The following ROBO2 variants were observed in gnomAD, a reference collection of about 807,000 sequenced individuals.
The protein encoded by ROBO2 is roundabout homolog 2.
Under a neutral mutation model 160.8 loss-of-function variants are expected in ROBO2, and 53 were observed. That is an observed-to-expected ratio of 0.33 (90% confidence interval 0.26 to 0.41). ROBO2 has a LOEUF of 0.41. ROBO2 is among the 10% of genes least tolerant of loss of function. The pLI is 1.00. For synonymous variants in ROBO2, 664 were observed against 611.7 expected, an observed-to-expected ratio of 1.09 and a Z score of -1.26; for missense variants, 1,577 against 1,722.4, an observed-to-expected ratio of 0.92 and a Z score of 1.49.
chr3:77,208,416 T>TG (rs1435497898), intron 2 of ROBO2, among the ~76,000 whole-genome samples: 1 of 152,116 alleles, frequency 6.6e-6, no homozygotes, highest in South Asian at 2.1e-4. Flanking sequence ...TTAAAGGACA[T>TG]GGGGATTGAG....
At chr3:77,160,054 A>C (rs1407122682) in intron 2 of ROBO2, among the ~76,000 whole-genome samples, 1 of 152,256 alleles carries the variant, frequency 6.6e-6, no homozygotes, top group South Asian at 2.1e-4. Flanking sequence ...GAAAAAATAT[A>C]TAGATTCACC....
At chr3:76,293,575 C>T (rs1708915585) in intron 2 of ROBO2, among the ~76,000 whole-genome samples, 1 of 152,132 alleles carries the variant, frequency 6.6e-6, no homozygotes, top group African/African-American at 2.4e-5. Context: ...TATAATCAGA[C>T]AGGGAGTAGA....
At chr3:77,338,651 A>G (rs2066744263) in intron 2 of ROBO2, among the ~76,000 whole-genome samples, 2 of 152,144 alleles carry the variant, frequency 1.3e-5, no homozygotes, top group Admixed American at 1.3e-4. Flanking sequence ...TAAAATATTG[A>G]CGTGAACATA....
At chr3:77,503,117 T>A (rs917161757) in intron 5 of ROBO2, among the ~76,000 whole-genome samples, 13 of 152,076 alleles carry the variant, frequency 8.5e-5, no homozygotes, top group African/African-American at 3.1e-4. Flanking sequence ...AGGGGATGGA[T>A]AGATACCCCA....
intron 2 of ROBO2, among the ~76,000 whole-genome samples, chr3:76,932,207 A>T (rs1441247016): frequency 6.6e-6 from 1 of 152,182 alleles, no homozygotes; most frequent in East Asian, 1.9e-4. Flanking sequence ...ATGAAAAAGA[A>T]TATGAAATTT....
At chr3:76,590,953 C>T (rs574719740) in intron 2 of ROBO2, among the ~76,000 whole-genome samples, 2 of 152,056 alleles carry the variant, frequency 1.3e-5, no homozygotes, top group Admixed American at 1.3e-4. Context: ...TGATGATAAA[C>T]GATATGTTAC....
In ROBO2 at chr3:76,059,570, G is replaced by A. The variant is rs200985636; in HGVS notation, c.109+121968G>A. Among the ~76,000 whole-genome samples the A allele has an allele frequency of 7.4e-3, 1,124 of 152,118 alleles. 65 individuals carry two copies. In the East Asian group the frequency reaches 0.15, roughly 21 times the overall value. Reference sequence around the variant, plus strand: ...TATTAGCCCTTTGTCAGATGAGTAGGTAGCAAAAATTTTCTCCCATTCTGT... The same window carrying A: ...TATTAGCCCTTTGTCAGATGAGTAGATAGCAAAAATTTTCTCCCATTCTGT... On this transcript the variant is annotated intron_variant, in intron 2 of 26. Coordinates refer to the ROBO2 transcript ENST00000487694.
intron 2 of ROBO2, among the ~76,000 whole-genome samples, chr3:77,260,438 G>A (rs939881049): frequency 4.6e-5 from 7 of 152,086 alleles, no homozygotes; most frequent in African/African-American, 7.2e-5. Flanking sequence ...AATGAGTTGA[G>A]TTATTTGAAG....
chr3:76,127,939 A>G (rs1576971153), intron 2 of ROBO2, among the ~76,000 whole-genome samples: 1 of 118,860 alleles, frequency 8.4e-6, no homozygotes, highest in African/African-American at 3.2e-5. Context: ...TCTGTCACCC[A>G]GGCTGGAGTG....
intron 2 of ROBO2, among the ~76,000 whole-genome samples, chr3:76,207,196 C>A (rs1219440477): frequency 1.3e-5 from 2 of 152,052 alleles, no homozygotes; most frequent in Non-Finnish European, 2.9e-5. Context: ...CAAGTCTATG[C>A]AGAAAATATT....
At chr3:76,103,524 G>A (rs752688358) in intron 2 of ROBO2, among the ~76,000 whole-genome samples, 10 of 152,118 alleles carry the variant, frequency 6.6e-5, no homozygotes, top group East Asian at 5.8e-4. Flanking sequence ...ATTATTCTTC[G>A]TAATGCTCAG....
intron 2 of ROBO2, among the ~76,000 whole-genome samples, chr3:76,913,363 C>A (rs1206952112): frequency 6.6e-6 from 1 of 152,144 alleles, no homozygotes; most frequent in Non-Finnish European, 1.5e-5. Flanking sequence ...AAGGGCATAG[C>A]ATTCAATGAC....
At chr3:77,336,281 C>G (rs1423050514) in intron 2 of ROBO2, among the ~76,000 whole-genome samples, 2 of 152,098 alleles carry the variant, frequency 1.3e-5, no homozygotes, top group East Asian at 1.9e-4. Context: ...AATAGTCAGA[C>G]AGAAGGCAGA....
intron 2 of ROBO2, among the ~76,000 whole-genome samples, chr3:77,277,149 C>CTTCCTTCCTTAT (rs1553882798): frequency 6.0e-5 from 6 of 99,952 alleles, no homozygotes; most frequent in African/African-American, 2.2e-4. Context: ...TCCTTCTTTC[C>CTTCCTTCCTTAT]TTCTTTCCTT....
In ROBO2 at chr3:77,280,161, G is replaced by A. The variant is rs572010941; in HGVS notation, c.388+181821G>A. ...ACATGTTCCATTCTAATCTGGCCTC[G>A]ATTCTAATTCTTATGCTTTCTATAA... is the stretch of plus-strand genomic sequence containing the variant. On this transcript the variant is annotated intron_variant, in intron 2 of 25. Transcript: ENST00000461745. 2.6e-5 allele frequency among the ~76,000 whole-genome samples: 4 copies of A among 152,134 alleles called. No homozygotes were observed. The East Asian group carries it at 5.8e-4, about 22-fold the overall frequency.
intron 2 of ROBO2, among the ~76,000 whole-genome samples, chr3:77,313,874 G>A (rs759242021): frequency 3.9e-5 from 6 of 152,074 alleles, no homozygotes; most frequent in Non-Finnish European, 8.8e-5. Flanking sequence ...GTGAGCCACC[G>A]CCCCTGGCCA....
chr3:76,304,747 C>CTT (rs2071243772), intron 2 of ROBO2, among the ~76,000 whole-genome samples: 1 of 101,626 alleles, frequency 9.8e-6, no homozygotes, highest in African/African-American at 3.3e-5. Flanking sequence ...CTTTTCTTTC[C>CTT]TTCTTTCTTT....
At position 77,346,935 on chromosome 3, in the gene ROBO2, T is replaced by A. The variant is rs35423302; in HGVS notation, c.389-130479T>A. On this transcript the variant is annotated intron_variant, in intron 2 of 25. Transcript: ENST00000461745. ...ATTAGATTGGGCCTACCTGTATAAT[T>A]CAAGGAAATCTTCTTATTTTAAGGT... Among the ~76,000 whole-genome samples, 571 of 152,194 alleles carry A rather than the reference T, an allele frequency of 3.8e-3. 4 individuals are homozygous for A. The highest frequency in any genetic ancestry group is 0.01 in the Middle Eastern group (3 of 294).
At chr3:77,541,770 T>A (rs1022990316) in intron 6 of ROBO2, among the ~76,000 whole-genome samples, 1 of 152,230 alleles carries the variant, frequency 6.6e-6, no homozygotes, top group African/African-American at 2.4e-5. Context: ...ATTTTTCCAA[T>A]GCTTTCAGGT....
Sources: gnomAD v4.1 joint callset for allele counts (sites outside exome capture counted in the v4.1 genomes callset) on GRCh38, gnomAD v4.1.1 for gene constraint, MANE v1.5 for transcripts, NCBI Gene and HGNC (gene_info 2026-07-23, HGNC 2026-07-21) for gene names.